LRP2: variants seen among roughly 807,000 people sequenced by gnomAD.
The protein encoded by LRP2 is low-density lipoprotein receptor-related protein 2.
LRP2 carries 172 observed loss-of-function variants against 531.0 expected under a neutral mutation model. The ratio of observed to expected loss-of-function variants is 0.32; its 90% CI spans 0.29 to 0.37. The LOEUF is 0.37. Ranked by LOEUF, LRP2 falls within the 10% of genes least tolerant of loss-of-function variation. LRP2 has a pLI of 1.00. For missense variants in LRP2, 5,167 were observed against 5,868.3 expected (o/e 0.88, Z 3.90); for synonymous variants, 1,992 against 2,027.6 (o/e 0.98, Z 0.47).
intron 1 of LRP2, among the ~76,000 whole-genome samples, chr2:169,342,833 T>C (rs1482503842): frequency 6.6e-6 from 1 of 152,228 alleles, no homozygotes; most frequent in Non-Finnish European, 1.5e-5. Context: ...CAGTGATTAT[T>C]TTAACTGTAA....
At chr2:169,144,601 A>T (rs67720262) in intron 70 of LRP2, among the ~76,000 whole-genome samples, 7,268 of 152,208 alleles carry the variant, frequency 0.048, 307 homozygotes, top group African/African-American at 0.12. Flanking sequence ...CCGCAAGGGC[A>T]CTTAGGACAC....
intron 1 of LRP2, among the ~76,000 whole-genome samples, chr2:169,358,722 G>A (rs1409804336): frequency 1.3e-5 from 2 of 152,086 alleles, no homozygotes; most frequent in African/African-American, 4.8e-5. Context: ...ACCAGGTAAG[G>A]TGGCTCCTGC....
chr2:169,336,014 CAAA>C (rs573316085), intron 1 of LRP2, among the ~76,000 whole-genome samples: 1 of 71,654 alleles, frequency 1.4e-5, no homozygotes, highest in Non-Finnish European at 2.9e-5. Context: ...GACTTCATCT[CAAA>C]AAAAAAAAAA....
chr2:169,289,462 C>A (rs1289279108), intron 8 of LRP2, among the ~76,000 whole-genome samples: 2 of 151,998 alleles, frequency 1.3e-5, no homozygotes, highest in Non-Finnish European at 2.9e-5. Context: ...GAGGCCAAGG[C>A]AGGAGGATCA....
intron 19 of LRP2, among the ~76,000 whole-genome samples, chr2:169,255,537 T>G (rs1185784365): frequency 6.6e-6 from 1 of 152,122 alleles, no homozygotes; most frequent in Non-Finnish European, 1.5e-5. Flanking sequence ...AAAAAAATTA[T>G]GTCTTGCTGT....
At position 169,326,557 on chromosome 2, in the gene LRP2, A is replaced by G. The variant is rs1204990799; in HGVS notation, c.80-5673T>C. ...GGCTGGAGTACAGTGGCGTGATCTCAGCTCGCTACAACCTCCATCTCCCAG... is the reference window on the plus strand; with the variant it reads ...GGCTGGAGTACAGTGGCGTGATCTCGGCTCGCTACAACCTCCATCTCCCAG... On this transcript the variant is annotated intron_variant, in intron 1 of 78. Transcript: ENST00000649046. Among the ~76,000 whole-genome samples, 31 of 151,868 alleles carry G rather than the reference A, an allele frequency of 2.0e-4. No homozygotes were observed. In the East Asian group the frequency reaches 5.1e-3, roughly 25 times the overall value.
chr2:169,189,730 A>G (rs1188203727), intron 48 of LRP2, among the ~76,000 whole-genome samples: 1 of 152,194 alleles, frequency 6.6e-6, no homozygotes, highest in Non-Finnish European at 1.5e-5. Context: ...CAGCACACCT[A>G]GTAGAGGCTA....
In LRP2 at chr2:169,316,856, C is replaced by G. The variant is rs572665415; in HGVS notation, c.310+1906G>C. Among the ~76,000 whole-genome samples, 230 of 152,090 alleles carry G rather than the reference C, an allele frequency of 1.5e-3. 1 individual carries two copies. Among genetic ancestry groups the G allele is most frequent in the African/African-American group, 5.1e-3 (212 of 41,492 alleles). On this transcript the variant is annotated intron_variant, in intron 3 of 78. Transcript: ENST00000649046. ...GAAGAGGAAAATAAAATGGAATGAC[C>G]AAAGCAGCTCAAAAGAGAGCCAGGA...
At chr2:169,179,868 A>C (rs1304628717) in intron 52 of LRP2, among the ~76,000 whole-genome samples, 1 of 131,994 alleles carries the variant, frequency 7.6e-6, no homozygotes, top group Non-Finnish European at 1.7e-5. Flanking sequence ...AGGCATTGCT[A>C]CCTCTCCAAG....
Position 169,307,158 on chromosome 2 carries a change from G to T in LRP2, c.427+123C>A, listed in dbSNP as rs1574240768. 6 of 755,254 alleles carry T rather than the reference G, an allele frequency of 7.9e-6. No individual in the cohort carries two copies. The East Asian group carries it at 1.5e-4, about 19-fold the overall frequency. The allele number at this position is 755,254 out of a possible 1,614,324, so 46.8% of individuals were successfully genotyped here. On this transcript the variant is annotated intron_variant, in intron 4 of 78. Coordinates refer to ENST00000649046, the MANE Select transcript of LRP2 (RefSeq NM_004525.3). Reference sequence around the variant, plus strand: ...TAATCCACAAAAGAATCTGCCAAGAGATTGCAATAACAAGAGGCATATTGT... The same window carrying T: ...TAATCCACAAAAGAATCTGCCAAGATATTGCAATAACAAGAGGCATATTGT...
In LRP2 at chr2:169,188,114, C is replaced by T; in HGVS notation, c.9184G>A (p.Asp3062Asn). 3 of 1,614,158 alleles carry T rather than the reference C, an allele frequency of 1.9e-6. No individual in the cohort carries two copies. Among genetic ancestry groups the T allele is most frequent in the Non-Finnish European group, 2.5e-6 (3 of 1,180,024 alleles). ...GTGTGGCACAGGTGCATCAGCTCAT[C>T]AGATCCGTCTCCACAGTCATTATCC... is the stretch of plus-strand genomic sequence containing the variant. ...DEDNDCGDGS[D>N]ELMHLCHTPE... Residue 3062 changes from aspartate to asparagine, a missense_variant, in exon 49 of 79, where the codon GAT becomes AAT. Asp to Asn is a conservative substitution (Grantham distance 23). Coordinates refer to ENST00000649046, the MANE Select transcript of LRP2 (RefSeq NM_004525.3).
At position 169,206,667 on chromosome 2, in the gene LRP2, A is replaced by G; in HGVS notation, c.7053T>C (p.Gly2351=). The G allele has an allele frequency of 6.2e-7, 1 of 1,614,124 alleles. No homozygotes were observed. The highest frequency in any genetic ancestry group is 8.5e-7 in the Non-Finnish European group (1 of 1,180,014). The change falls in exon 39 of 79, where the codon GGT becomes GGC. Residue 2351 remains glycine (G), a synonymous_variant. Transcript: ENST00000649046. ...GAGCAAAGCAGAGATGAGAGCACCC[A>G]CCATTGTTTTCCAAGCAAGGGTTGT... is the stretch of plus-strand genomic sequence containing the variant. ...VNNNPCLENN[G]GCSHLCFALP...
In LRP2 at chr2:169,213,880, T is replaced by C. The variant is rs760489068; in HGVS notation, c.5827-10A>G. ...CGTTTCCTCTTTCAATCTAAAGGAT[T>C]GGAATTTTCATTAGTTTCATGGATT... On this transcript the variant is annotated splice_polypyrimidine_tract_variant and intron_variant, in intron 35 of 78. Coordinates refer to ENST00000649046, the MANE Select transcript of LRP2 (RefSeq NM_004525.3). 1.9e-6 allele frequency: 3 copies of C among 1,598,932 alleles called. No homozygotes were observed. Among genetic ancestry groups the C allele is most frequent in the Non-Finnish European group, 2.6e-6 (3 of 1,166,718 alleles).
chr2:169,311,412 T>G (rs913731447), intron 3 of LRP2, among the ~76,000 whole-genome samples: 2 of 152,242 alleles, frequency 1.3e-5, no homozygotes, highest in Non-Finnish European at 2.9e-5. Context: ...TTTGTTCTCA[T>G]TGGTTTCAAA....
intron 29 of LRP2, among the ~76,000 whole-genome samples, chr2:169,234,217 T>C (rs151020693): frequency 0.042 from 6,329 of 152,212 alleles, 353 homozygotes; most frequent in African/African-American, 0.13. Context: ...GCCATGGTGG[T>C]TTGCTGCACC....
intron 50 of LRP2, among the ~76,000 whole-genome samples, chr2:169,184,386 CTG>C (rs1687550232): frequency 6.6e-6 from 1 of 152,214 alleles, no homozygotes. Flanking sequence ...GGGAAGCCAA[CTG>C]TCCCCACCCA....
chr2:169,185,398 T>C (rs1260723845), intron 50 of LRP2, 105 bp downstream of exon 50: 1 of 1,058,682 alleles, frequency 9.4e-7, no homozygotes, highest in East Asian at 2.6e-5. Context: ...ATTAAATGTA[T>C]CTGCATATTA....
chr2:169,344,294 A>G (rs1173443521), intron 1 of LRP2, among the ~76,000 whole-genome samples: 2 of 108,004 alleles, frequency 1.9e-5, no homozygotes, highest in Admixed American at 1.1e-4. Flanking sequence ...AGCAGGCCCC[A>G]GTGTGTGATG....
rs367744497 is a variant in LRP2 at position 169,349,236 on chromosome 2, C to T, written c.79+13085G>A. Among the ~76,000 whole-genome samples, 13 of 152,036 alleles carry T rather than the reference C, an allele frequency of 8.6e-5. No individual in the cohort carries two copies. In the East Asian group the frequency reaches 2.1e-3, roughly 25 times the overall value. On this transcript the variant is annotated intron_variant, in intron 1 of 78. Coordinates refer to ENST00000649046, the MANE Select transcript of LRP2 (RefSeq NM_004525.3). ...GAAAGTAAATCAGGAAAGAAGAGGT[C>T]GGGAAAGAATCAGAGAAGGCCACAC... is the stretch of plus-strand genomic sequence containing the variant.
Sources: gnomAD v4.1 joint callset for allele counts (sites outside exome capture counted in the v4.1 genomes callset) on GRCh38, gnomAD v4.1.1 for gene constraint, MANE v1.5 for transcripts, NCBI Gene and HGNC (gene_info 2026-07-23, HGNC 2026-07-21) for gene names.